WLS: variants seen among roughly 807,000 people sequenced by gnomAD.
WLS encodes protein wntless homolog.
Under a neutral mutation model 62.8 loss-of-function variants are expected in WLS, and 23 were observed. That is an observed-to-expected ratio of 0.37 (90% confidence interval 0.26 to 0.52). WLS has a LOEUF of 0.52. Among genes scored for constraint, WLS ranks in the 20% least tolerant of loss-of-function variants. The probability of loss-of-function intolerance (pLI) is 0.92; values close to 1 mark genes in which losing one functional copy is unlikely to be tolerated. For missense variants in WLS, 615 were observed against 697.3 expected (o/e 0.88, Z 1.33); for synonymous variants, 246 against 244.1 (o/e 1.01, Z -0.07).
chr1:68,120,721 C>T (rs2820502), downstream of WLS, among the ~76,000 whole-genome samples: 118,494 of 145,396 alleles, frequency 0.81, 47,480 homozygotes, highest in East Asian at 0.92. Context: ...TGTGTGTGCG[C>T]GCGCGCACAT....
chr1:68,219,867 GTTA>G (rs958301995), intron 1 of WLS, among the ~76,000 whole-genome samples: 1 of 151,852 alleles, frequency 6.6e-6, no homozygotes, highest in African/African-American at 2.4e-5. Flanking sequence ...TGTCATTCAC[GTTA>G]TTATCTAGAA....
intron 2 of WLS, among the ~76,000 whole-genome samples, chr1:68,182,488 G>C (rs181558191): frequency 1.1e-4 from 17 of 152,308 alleles, no homozygotes; most frequent in African/African-American, 3.8e-4. Context: ...CTATCCTGGG[G>C]TAAACAAAAT....
chr1:68,152,819 A>C (rs1321883206), intron 5 of WLS, among the ~76,000 whole-genome samples: 1 of 152,232 alleles, frequency 6.6e-6, no homozygotes, highest in East Asian at 1.9e-4. Flanking sequence ...AGAATCCAGC[A>C]GAAAGGGAGA....
intron 2 of WLS, among the ~76,000 whole-genome samples, chr1:68,181,186 T>C (rs1647549259): frequency 6.6e-6 from 1 of 152,174 alleles, no homozygotes; most frequent in African/African-American, 2.4e-5. Context: ...ATAATAGCTA[T>C]GTTATGACCA....
At chr1:68,180,110 C>A (rs1647467887) in intron 2 of WLS, among the ~76,000 whole-genome samples, 1 of 151,824 alleles carries the variant, frequency 6.6e-6, no homozygotes, top group Non-Finnish European at 1.5e-5. Flanking sequence ...TGGTACTTTG[C>A]AAAGAAAGCA....
At chr1:68,218,154 C>A (rs940449017) in intron 1 of WLS, among the ~76,000 whole-genome samples, 60 of 152,056 alleles carry the variant, frequency 3.9e-4, no homozygotes, top group African/African-American at 1.4e-3. Flanking sequence ...TTATACATTT[C>A]TTTTATAGAA....
chr1:68,164,244 G>A (rs1489448540), intron 2 of WLS, among the ~76,000 whole-genome samples: 3 of 149,750 alleles, frequency 2.0e-5, no homozygotes, highest in South Asian at 2.1e-4. Context: ...GTAGACACAT[G>A]AGCAGACAAG....
chr1:68,129,226 C>CA (rs1371186721), intron 11 of WLS, among the ~76,000 whole-genome samples: 3 of 152,094 alleles, frequency 2.0e-5, no homozygotes, highest in East Asian at 3.9e-4. Flanking sequence ...TCAGTAGGCT[C>CA]AGGCAGAAGA....
intron 1 of WLS, among the ~76,000 whole-genome samples, chr1:68,207,293 C>T (rs1649319936): frequency 6.6e-6 from 1 of 152,176 alleles, no homozygotes; most frequent in African/African-American, 2.4e-5. Flanking sequence ...CAAAGACATT[C>T]CAATACAATG....
At chr1:68,209,454 G>C (rs981395717) in intron 1 of WLS, among the ~76,000 whole-genome samples, 3 of 152,164 alleles carry the variant, frequency 2.0e-5, no homozygotes, top group South Asian at 4.1e-4. Flanking sequence ...ATTGTGCTAG[G>C]GACTTAACAG....
intron 2 of WLS, among the ~76,000 whole-genome samples, chr1:68,187,189 CAAAAAA>C (rs34130992): frequency 1.9e-4 from 11 of 57,176 alleles, no homozygotes; most frequent in Non-Finnish European, 2.6e-4. Flanking sequence ...ACTCCATCTC[CAAAAAA>C]AAAAAAAAAA....
chr1:68,118,524 C>A (rs1298588560), intron 11 of WLS, among the ~76,000 whole-genome samples: 2 of 152,050 alleles, frequency 1.3e-5, no homozygotes, highest in Non-Finnish European at 2.9e-5. Context: ...TTTACCACAC[C>A]AATATACTTC....
rs1214394573 is a variant in WLS, at chr1:68,125,872, C to A, written c.*354G>T. 1 of 1,041,996 alleles carries A rather than the reference C, an allele frequency of 9.6e-7. No homozygotes were observed. The highest frequency in any genetic ancestry group is 4.6e-4 in the Middle Eastern group (1 of 2,168). The allele number at this position is 1,041,996 out of a possible 1,614,324, so 64.5% of individuals were successfully genotyped here. A position where few individuals can be genotyped will look rare whatever the true frequency, so the allele number is the denominator to read the frequency against. ...CAGGAAAAATGTCAAATATTCCACT[C>A]CCCATTCGGCCCAAACCATCCCCCA... On this transcript the variant is annotated 3_prime_UTR_variant, in exon 12 of 12. Coordinates refer to ENST00000262348, the MANE Select transcript of WLS (RefSeq NM_024911.7).
chr1:68,140,434 T>A (rs1646669568), intron 10 of WLS, among the ~76,000 whole-genome samples: 1 of 152,202 alleles, frequency 6.6e-6, no homozygotes, highest in Non-Finnish European at 1.5e-5. Flanking sequence ...CATGCACACA[T>A]TTGTCTATTC....
intron 10 of WLS, among the ~76,000 whole-genome samples, chr1:68,140,483 A>G (rs147535065): frequency 1.4e-3 from 209 of 152,334 alleles, no homozygotes; most frequent in African/African-American, 4.9e-3. Context: ...TGGACATAGT[A>G]ACATATGGTA....
intron 2 of WLS, among the ~76,000 whole-genome samples, chr1:68,184,855 C>T (rs1290508256): frequency 1.3e-5 from 2 of 152,156 alleles, no homozygotes; most frequent in African/African-American, 4.8e-5. Flanking sequence ...TCTTAATTGG[C>T]CTCTTTTCCT....
intron 2 of WLS, among the ~76,000 whole-genome samples, chr1:68,188,406 A>G (rs1368027021): frequency 2.0e-5 from 3 of 152,194 alleles, no homozygotes; most frequent in Non-Finnish European, 4.4e-5. Flanking sequence ...AAAGCTGTGG[A>G]TTTCATAAAT....
rs190320030 is a variant in WLS, at chr1:68,126,981, A to G, written c.1517-646T>C. On this transcript the variant is annotated intron_variant, in intron 11 of 11. Coordinates refer to ENST00000262348, the MANE Select transcript of WLS (RefSeq NM_024911.7). Reference sequence around the variant, plus strand: ...AGGGGTAGGAGGACTGCTTGTGGCCAGGAGTTTAAGATCAGCCTTGGCAAC... The same window carrying G: ...AGGGGTAGGAGGACTGCTTGTGGCCGGGAGTTTAAGATCAGCCTTGGCAAC... 1,361 of 267,858 alleles carry G rather than the reference A, an allele frequency of 5.1e-3. 9 individuals are homozygous for G. Among genetic ancestry groups the G allele is most frequent in the Non-Finnish European group, 8.0e-3 (1,060 of 132,174 alleles). 16.6% of individuals were successfully genotyped at this position (267,858 alleles called of 1,614,324 possible).
intron 1 of WLS, among the ~76,000 whole-genome samples, chr1:68,204,389 G>T (rs1010080495): frequency 6.6e-6 from 1 of 151,728 alleles, no homozygotes; most frequent in Admixed American, 6.6e-5. Context: ...GCGCGGTCTC[G>T]GCTCACTGCA....
Sources: gnomAD v4.1 joint callset for allele counts (sites outside exome capture counted in the v4.1 genomes callset) on GRCh38, gnomAD v4.1.1 for gene constraint, MANE v1.5 for transcripts, NCBI Gene and HGNC (gene_info 2026-07-23, HGNC 2026-07-21) for gene names.